Variants in FAM83A observed in about 807,000 individuals in gnomAD.
FAM83A encodes the protein protein FAM83A.
Under a neutral mutation model 24.4 loss-of-function variants are expected in FAM83A, and 21 were observed. The observed-to-expected ratio is 0.86, with a 90% CI of 0.61 to 1.24. The LOEUF (loss-of-function observed/expected upper bound fraction) is 1.24. FAM83A is among the 50% of genes most tolerant of loss of function. The pLI is 0.00. For synonymous variants in FAM83A, 270 were observed against 252.4 expected (o/e 1.07, Z -0.66); for missense variants, 617 against 579.8 (o/e 1.06, Z -0.66).
exon 4 of FAM83A, chr8:123,208,993 T>C (rs1586792843): frequency 2.0e-6 from 2 of 980,180 alleles, no homozygotes; most frequent in African/African-American, 1.8e-5. Flanking sequence ...AGAGAGAGCA[T>C]AGAGGAGGGT....
chr8:123,186,828 G>T (rs1823816785), intron 1 of FAM83A, among the ~76,000 whole-genome samples: 1 of 152,126 alleles, frequency 6.6e-6, no homozygotes, highest in Admixed American at 6.5e-5. Flanking sequence ...AGATTACTCT[G>T]TCTCAAAAAA....
intron 2 of FAM83A, chr8:123,192,803 G>C (rs1209853732): frequency 6.6e-6 from 1 of 152,350 alleles, no homozygotes; most frequent in Non-Finnish European, 1.5e-5. Flanking sequence ...CTGCTGGTCT[G>C]TTTGGCATGA....
At chr8:123,183,168 C>T (rs1823667904) in exon 1 of FAM83A, 8 of 1,613,784 alleles carry the variant, frequency 5.0e-6, no homozygotes, top group Non-Finnish European at 6.8e-6. Context: ...AGTCCGGCAC[C>T]TACTTCCCTG....
chr8:123,207,444 G>A, exon 4 of FAM83A: 1 of 1,604,828 alleles, frequency 6.2e-7, no homozygotes, highest in Non-Finnish European at 8.5e-7. Flanking sequence ...GCGTCTTCAG[G>A]GCCCTGTAGC....
exon 4 of FAM83A, chr8:123,208,911 C>T (rs938639588): frequency 1.0e-6 from 1 of 974,376 alleles, no homozygotes; most frequent in Non-Finnish European, 1.2e-6. Flanking sequence ...TTGCAATGAG[C>T]TGAGATTGCA....
chr8:123,197,369 G>T (rs1274379814), intron 3 of FAM83A, among the ~76,000 whole-genome samples: 1 of 152,192 alleles, frequency 6.6e-6, no homozygotes, highest in African/African-American at 2.4e-5. Context: ...ATAGCACCGA[G>T]GGTCCCCATG....
At chr8:123,200,968 A>AAT (rs71310663) in intron 3 of FAM83A, among the ~76,000 whole-genome samples, 1,433 of 138,946 alleles carry the variant, frequency 0.01, 16 homozygotes, top group African/African-American at 0.028. Flanking sequence ...AAAAAAAAAA[A>AAT]ATATATATAT....
intron 3 of FAM83A, among the ~76,000 whole-genome samples, chr8:123,205,680 C>T (rs563291286): frequency 1.1e-3 from 168 of 152,018 alleles, no homozygotes; most frequent in African/African-American, 3.9e-3. Context: ...GGCGACCATT[C>T]CCCCGACCAT....
chr8:123,205,083 G>A (rs1824495543), intron 3 of FAM83A, among the ~76,000 whole-genome samples: 3 of 151,948 alleles, frequency 2.0e-5, no homozygotes, highest in Non-Finnish European at 4.4e-5. Flanking sequence ...CTGCACTCCA[G>A]CCTGGGCGAC....
intron 3 of FAM83A, among the ~76,000 whole-genome samples, chr8:123,205,744 T>G (rs1396874072): frequency 2.6e-5 from 4 of 152,078 alleles, no homozygotes; most frequent in Non-Finnish European, 4.4e-5. Flanking sequence ...GCCTCTAGCC[T>G]GCTGCTCTCG....
At chr8:123,189,979 C>T (rs11779903) in intron 1 of FAM83A, among the ~76,000 whole-genome samples, 10 of 152,074 alleles carry the variant, frequency 6.6e-5, no homozygotes, top group African/African-American at 1.4e-4. Context: ...CAATCATGTA[C>T]GGAATAATGA....
chr8:123,184,746 T>G (rs1447423686), intron 1 of FAM83A, among the ~76,000 whole-genome samples: 3 of 152,178 alleles, frequency 2.0e-5, no homozygotes, highest in Non-Finnish European at 4.4e-5. Context: ...CAGGGGAGAA[T>G]GGACCCCAAG....
exon 4 of FAM83A, chr8:123,208,061 A>G: frequency 9.6e-7 from 1 of 1,045,706 alleles, no homozygotes; most frequent in East Asian, 7.4e-5. Flanking sequence ...ATGGGTAAAC[A>G]GAGGCACTGA....
chr8:123,182,311 A>AG, upstream of FAM83A: 1 of 358,038 alleles, frequency 2.8e-6, no homozygotes, highest in Non-Finnish European at 5.6e-6. Context: ...TCACACAGAG[A>AG]GGGGGGCGCA....
intron 3 of FAM83A, among the ~76,000 whole-genome samples, chr8:123,196,649 A>C (rs1266300228): frequency 6.6e-6 from 1 of 152,256 alleles, no homozygotes; most frequent in Non-Finnish European, 1.5e-5. Flanking sequence ...TCCCAAATAC[A>C]ACAAGGACCT....
intron 3 of FAM83A, among the ~76,000 whole-genome samples, chr8:123,205,726 G>T (rs917245827): frequency 3.9e-5 from 6 of 152,058 alleles, no homozygotes; most frequent in Admixed American, 3.3e-4. Flanking sequence ...CTGAGCAGGA[G>T]CCCAGGAGCC....
chr8:123,183,246 G>C, exon 1 of FAM83A: 1 of 1,613,422 alleles, frequency 6.2e-7, no homozygotes, highest in South Asian at 1.1e-5. Context: ...CCTACCTGAA[G>C]GAAAAATCCA....
At chr8:123,208,958 C>T (rs1168515812) in exon 4 of FAM83A, 10 of 980,820 alleles carry the variant, frequency 1.0e-5, no homozygotes, top group Middle Eastern at 1.0e-3. Context: ...AGCAAGACTC[C>T]GTCACAGAAA....
At chr8:123,191,577 G>T (rs188020347) in intron 1 of FAM83A, among the ~76,000 whole-genome samples, 26 of 152,274 alleles carry the variant, frequency 1.7e-4, no homozygotes, top group African/African-American at 6.3e-4. Context: ...CAGATAGGTG[G>T]TGGGACTGGA....
Sources: gnomAD v4.1 joint callset for allele counts (sites outside exome capture counted in the v4.1 genomes callset) on GRCh38, gnomAD v4.1.1 for gene constraint, MANE v1.5 for transcripts, NCBI Gene and HGNC (gene_info 2026-07-23, HGNC 2026-07-21) for gene names.